Variants in SYNDIG1 observed in about 807,000 individuals in gnomAD.
SYNDIG1 encodes synapse differentiation inducing 1.
SYNDIG1 carries 9 observed loss-of-function variants against 19.4 expected under a neutral mutation model. The observed-to-expected ratio is 0.46, with a 90% CI of 0.28 to 0.81. The LOEUF is 0.81. Ranked by LOEUF, SYNDIG1 falls within the 30% of genes least tolerant of loss-of-function variation. The pLI, the probability that SYNDIG1 is intolerant of heterozygous loss-of-function variation, is 0.12. For missense variants in SYNDIG1, 311 were observed against 343.3 expected, an observed-to-expected ratio of 0.91 and a Z score of 0.74; for synonymous variants, 141 against 145.9, an observed-to-expected ratio of 0.97 and a Z score of 0.24.
chr20:24,662,167 T>C (rs1197887006), intron 3 of SYNDIG1, among the ~76,000 whole-genome samples: 17 of 151,758 alleles, frequency 1.1e-4, no homozygotes, highest in Non-Finnish European at 5.9e-5. Flanking sequence ...GGTGACAACT[T>C]CAGCTAAAGC....
At chr20:24,524,233 T>C (rs562348617) in intron 1 of SYNDIG1, among the ~76,000 whole-genome samples, 5 of 152,340 alleles carry the variant, frequency 3.3e-5, no homozygotes, top group South Asian at 2.1e-4. Flanking sequence ...CAGCCCATGT[T>C]CCTGTGTCCT....
chr20:24,519,459 C>T (rs541294473), intron 1 of SYNDIG1, among the ~76,000 whole-genome samples: 1 of 152,296 alleles, frequency 6.6e-6, no homozygotes, highest in East Asian at 1.9e-4. Context: ...TACTTAAGAT[C>T]TCATGTTGCA....
chr20:24,584,457 G>T (rs1187675922), intron 2 of SYNDIG1, among the ~76,000 whole-genome samples: 3 of 152,196 alleles, frequency 2.0e-5, no homozygotes, highest in Non-Finnish European at 4.4e-5. Flanking sequence ...TGGCAACGGG[G>T]CCAGTTCTGC....
intron 1 of SYNDIG1, among the ~76,000 whole-genome samples, chr20:24,481,220 A>G (rs1052497268): frequency 1.3e-5 from 2 of 152,218 alleles, no homozygotes; most frequent in African/African-American, 4.8e-5. Flanking sequence ...CTGTTGCATA[A>G]CAGACTGCCC....
intron 1 of SYNDIG1, among the ~76,000 whole-genome samples, chr20:24,528,725 G>A (rs1046016123): frequency 1.8e-4 from 28 of 152,146 alleles, no homozygotes; most frequent in Non-Finnish European, 7.3e-5. Flanking sequence ...CATATTAATT[G>A]CAAAGGAATA....
At chr20:24,536,600 T>C (rs1434038622) in intron 1 of SYNDIG1, among the ~76,000 whole-genome samples, 2 of 152,108 alleles carry the variant, frequency 1.3e-5, no homozygotes, top group Admixed American at 6.5e-5. Context: ...TACGCCTGCT[T>C]ACTCAGGTGA....
intron 2 of SYNDIG1, among the ~76,000 whole-genome samples, chr20:24,582,334 G>A (rs139755778): frequency 8.1e-4 from 30 of 37,192 alleles, no homozygotes; most frequent in African/African-American, 2.8e-3. Flanking sequence ...CTGTCCCCAC[G>A]GCACGGCCTC....
At chr20:24,470,841 C>T (rs953998880) in intron 1 of SYNDIG1, among the ~76,000 whole-genome samples, 7 of 152,102 alleles carry the variant, frequency 4.6e-5, no homozygotes, top group African/African-American at 1.2e-4. Context: ...GCACAGTCCT[C>T]CTGCGACGTC....
In SYNDIG1 at chr20:24,543,091, G is replaced by A. The variant is rs778220716; in HGVS notation, c.-7G>A. 10 of 1,610,178 alleles carry A rather than the reference G, an allele frequency of 6.2e-6. No individual in the cohort carries two copies. Among genetic ancestry groups the A allele is most frequent in the Non-Finnish European group, 8.5e-6 (10 of 1,176,870 alleles). On this transcript the variant is annotated 5_prime_UTR_variant, in exon 2 of 4. Coordinates refer to ENST00000376862, the MANE Select transcript of SYNDIG1 (RefSeq NM_024893.3). ...CCAGCCTGACGCCCAGCCAGGGAGAGAGTACCATGGATGGCATCATTGAAC... is the reference window on the plus strand; with the variant it reads ...CCAGCCTGACGCCCAGCCAGGGAGAAAGTACCATGGATGGCATCATTGAAC...
intron 1 of SYNDIG1, among the ~76,000 whole-genome samples, chr20:24,514,587 T>G (rs549341825): frequency 8.5e-5 from 13 of 152,326 alleles, no homozygotes; most frequent in Admixed American, 7.8e-4. Flanking sequence ...ATCTTAAATA[T>G]ATATGCACCC....
chr20:24,560,393 G>A (rs1429984313), intron 2 of SYNDIG1, among the ~76,000 whole-genome samples: 1 of 151,568 alleles, frequency 6.6e-6, no homozygotes, highest in Non-Finnish European at 1.5e-5. Context: ...TTTTCTTTCT[G>A]TTCTTCAGCT....
chr20:24,578,796 G>A (rs1385537076), intron 2 of SYNDIG1, among the ~76,000 whole-genome samples: 4 of 152,318 alleles, frequency 2.6e-5, no homozygotes, highest in South Asian at 4.1e-4. Context: ...CAGATCCCAC[G>A]AGACTGCTGT....
At chr20:24,626,034 GT>G (rs1397502496) in intron 3 of SYNDIG1, among the ~76,000 whole-genome samples, 1 of 148,524 alleles carries the variant, frequency 6.7e-6, no homozygotes, top group African/African-American at 2.5e-5. Context: ...GGCTGGCCAG[GT>G]GGGGGGCTGA....
chr20:24,515,193 C>T (rs2056835290), intron 1 of SYNDIG1, among the ~76,000 whole-genome samples: 1 of 152,088 alleles, frequency 6.6e-6, no homozygotes, highest in South Asian at 2.1e-4. Context: ...AAAATTGACA[C>T]CCTAACATCA....
intron 3 of SYNDIG1, among the ~76,000 whole-genome samples, chr20:24,661,000 C>A (rs1440694197): frequency 6.6e-6 from 1 of 152,240 alleles, no homozygotes; most frequent in Non-Finnish European, 1.5e-5. Context: ...CCCATGGCAG[C>A]TGCACCCCCA....
At chr20:24,517,802 T>TG (rs2056917909) in intron 1 of SYNDIG1, among the ~76,000 whole-genome samples, 1 of 143,564 alleles carries the variant, frequency 7.0e-6, no homozygotes, top group African/African-American at 2.6e-5. Context: ...GAAAAAATAT[T>TG]TTTTATATAT....
At chr20:24,517,506 C>T (rs2056900867) in intron 1 of SYNDIG1, among the ~76,000 whole-genome samples, 1 of 148,782 alleles carries the variant, frequency 6.7e-6, no homozygotes, top group Non-Finnish European at 1.5e-5. Flanking sequence ...GTAGTCCCAG[C>T]TACTCTGAAG....
At chr20:24,614,925 C>T (rs1456901461) in intron 3 of SYNDIG1, among the ~76,000 whole-genome samples, 1 of 152,208 alleles carries the variant, frequency 6.6e-6, no homozygotes, top group African/African-American at 2.4e-5. Flanking sequence ...CATTCTCAAA[C>T]ATCTGACTTG....
chr20:24,632,585 G>C (rs560568465), intron 3 of SYNDIG1, among the ~76,000 whole-genome samples: 2 of 152,280 alleles, frequency 1.3e-5, no homozygotes, highest in South Asian at 4.1e-4. Flanking sequence ...AAAAAAGCAG[G>C]CTGCCTCATT....
Sources: allele counts gnomAD v4.1 joint callset (sites outside exome capture counted in the v4.1 genomes callset), GRCh38; gene constraint gnomAD v4.1.1; transcripts MANE v1.5; gene names NCBI Gene and HGNC (gene_info 2026-07-23, HGNC 2026-07-21).